NEGR1: variants seen among roughly 807,000 people sequenced by gnomAD.
NEGR1 encodes the protein IgLON family member 4.
NEGR1 carries 10 observed loss-of-function variants against 40.9 expected under a neutral mutation model. The ratio of observed to expected loss-of-function variants is 0.24; its 90% CI spans 0.15 to 0.42. The LOEUF is 0.42. Among genes scored for constraint, NEGR1 ranks in the 10% least tolerant of loss-of-function variants. The pLI, the probability that NEGR1 is intolerant of heterozygous loss-of-function variation, is 1.00. For synonymous variants in NEGR1, 185 were observed against 166.8 expected (o/e 1.11, Z -0.84); for missense variants, 352 against 438.9 (o/e 0.80, Z 1.77).
intron 3 of NEGR1, among the ~76,000 whole-genome samples, chr1:71,703,608 A>G (rs1203053289): frequency 6.6e-6 from 1 of 151,936 alleles, no homozygotes; most frequent in Non-Finnish European, 1.5e-5. Flanking sequence ...GAAAAAAATG[A>G]CACAACGTTA....
At chr1:72,178,084 A>G (rs1652240167) in intron 1 of NEGR1, among the ~76,000 whole-genome samples, 1 of 152,124 alleles carries the variant, frequency 6.6e-6, no homozygotes. Flanking sequence ...CATTTTAAAC[A>G]GTAAAACTGG....
chr1:71,626,667 C>T (rs191188217), intron 4 of NEGR1, among the ~76,000 whole-genome samples: 1,531 of 152,144 alleles, frequency 0.01, 13 homozygotes, highest in Non-Finnish European at 0.016. Context: ...TAAAGAACTT[C>T]TGCACTGCAA....
intron 4 of NEGR1, among the ~76,000 whole-genome samples, chr1:71,671,775 C>T (rs1487855320): frequency 1.3e-5 from 2 of 152,142 alleles, no homozygotes; most frequent in Non-Finnish European, 2.9e-5. Flanking sequence ...CATGGGTCCC[C>T]GTTAGTACCC....
intron 6 of NEGR1, among the ~76,000 whole-genome samples, chr1:71,546,971 C>T (rs543424691): frequency 5.5e-4 from 83 of 151,732 alleles, no homozygotes; most frequent in African/African-American, 2.0e-3. Flanking sequence ...TTAGATGGAC[C>T]ATAATGAAGT....
At chr1:71,590,959 A>C (rs561237720) in intron 6 of NEGR1, among the ~76,000 whole-genome samples, 121 of 152,272 alleles carry the variant, frequency 7.9e-4, no homozygotes, top group African/African-American at 2.7e-3. Flanking sequence ...AAAATAACTA[A>C]TCAGACATAG....
chr1:72,081,100 CAT>C, intron 1 of NEGR1, among the ~76,000 whole-genome samples: 1 of 152,216 alleles, frequency 6.6e-6, no homozygotes, highest in Non-Finnish European at 1.5e-5. Context: ...TAGTCATTTA[CAT>C]ACTTTCAGTT....
intron 6 of NEGR1, among the ~76,000 whole-genome samples, chr1:71,485,311 A>C (rs1646880920): frequency 6.6e-6 from 1 of 151,588 alleles, no homozygotes; most frequent in South Asian, 2.1e-4. Flanking sequence ...GATTTGCAAC[A>C]AAAATTGAAT....
At chr1:72,053,373 TAAC>T (rs1647079334) in intron 1 of NEGR1, among the ~76,000 whole-genome samples, 1 of 150,710 alleles carries the variant, frequency 6.6e-6, no homozygotes, top group Non-Finnish European at 1.5e-5. Flanking sequence ...TTTTTTCACC[TAAC>T]AACAAGTAAT....
intron 1 of NEGR1, among the ~76,000 whole-genome samples, chr1:71,975,859 C>T (rs140476692): frequency 4.6e-5 from 7 of 152,256 alleles, no homozygotes; most frequent in African/African-American, 1.7e-4. Context: ...TTCATTTTTA[C>T]CATATAGTCA....
At chr1:72,173,341 T>TTTTTTTTTTTTTTTTTGAGAC (rs1299542762) in intron 1 of NEGR1, among the ~76,000 whole-genome samples, 3 of 139,856 alleles carry the variant, frequency 2.1e-5, no homozygotes, top group South Asian at 2.5e-4. Flanking sequence ...TATTTTCATC[T>TTTTTTTTTTTTTTTTTGAGAC]GCTGCTTTTG....
rs926509794 is a variant in NEGR1 at position 71,878,936 on chromosome 1, C to T, written c.409+56143G>A. 3.3e-5 allele frequency among the ~76,000 whole-genome samples: 5 copies of T among 151,984 alleles called. No individual in the cohort carries two copies. In the South Asian group the frequency reaches 6.2e-4, roughly 19 times the overall value. Reference sequence around the variant, plus strand: ...GAAAGCTTAAAAATAGCAACAAGGACCAGCCTGACCAACATAGAGAAACCC... The same window carrying T: ...GAAAGCTTAAAAATAGCAACAAGGATCAGCCTGACCAACATAGAGAAACCC... On this transcript the variant is annotated intron_variant, in intron 2 of 6. Transcript: ENST00000357731.
chr1:72,270,552 G>A (rs890611774), intron 1 of NEGR1, among the ~76,000 whole-genome samples: 2 of 151,782 alleles, frequency 1.3e-5, no homozygotes, highest in Non-Finnish European at 2.9e-5. Flanking sequence ...TTTAATGCTA[G>A]TCCTCTTATC....
chr1:72,187,473 A>G (rs1453119326), intron 1 of NEGR1, among the ~76,000 whole-genome samples: 2 of 151,478 alleles, frequency 1.3e-5, no homozygotes, highest in Non-Finnish European at 3.0e-5. Flanking sequence ...AATGCTACTC[A>G]TAACAGATCA....
chr1:71,400,702 A>G lies in NEGR1; in HGVS notation c.*6744T>C. 1 of 152,096 alleles carries G rather than the reference A, an allele frequency of 6.6e-6. No individual in the cohort carries two copies. Among genetic ancestry groups the G allele is most frequent in the East Asian group, 1.9e-4 (1 of 5,180 alleles). The allele number at this position is 152,096 out of a possible 1,614,324, so 9.4% of individuals were successfully genotyped here. The stretch of plus-strand genomic sequence containing the variant: ...GTAGGCATTACATTATCAAAGCTCA[A>G]AATGTTAGCAATGAATTTAATTCAA... On this transcript the variant is annotated 3_prime_UTR_variant, in exon 7 of 7. Coordinates refer to ENST00000357731, the MANE Select transcript of NEGR1 (RefSeq NM_173808.3).
At chr1:71,749,817 C>G (rs1435928675) in intron 3 of NEGR1, among the ~76,000 whole-genome samples, 2 of 152,112 alleles carry the variant, frequency 1.3e-5, no homozygotes, top group Admixed American at 6.6e-5. Flanking sequence ...ATTTTGTTGT[C>G]AGACCACTGT....
chr1:71,815,988 T>G (rs1176552244), intron 2 of NEGR1, among the ~76,000 whole-genome samples: 1 of 152,104 alleles, frequency 6.6e-6, no homozygotes, highest in Non-Finnish European at 1.5e-5. Context: ...TTAACTTGCT[T>G]TTTACACAAA....
chr1:71,724,945 AC>A (rs1654625274), intron 3 of NEGR1, among the ~76,000 whole-genome samples: 1 of 151,900 alleles, frequency 6.6e-6, no homozygotes, highest in Non-Finnish European at 1.5e-5. Context: ...CACCTCCCTA[AC>A]CCACAGCCTA....
chr1:72,273,903 A>G (rs1427233110), intron 1 of NEGR1, among the ~76,000 whole-genome samples: 1 of 151,504 alleles, frequency 6.6e-6, no homozygotes. Context: ...TTCAAAAATT[A>G]GTAGATATTG....
intron 1 of NEGR1, among the ~76,000 whole-genome samples, chr1:72,058,826 T>C (rs1261020969): frequency 3.3e-5 from 5 of 151,604 alleles, no homozygotes; most frequent in Non-Finnish European, 5.9e-5. Flanking sequence ...AATTAAAATG[T>C]TCAAATTGTT....
Sources: gnomAD v4.1 joint callset for allele counts (sites outside exome capture counted in the v4.1 genomes callset) on GRCh38, gnomAD v4.1.1 for gene constraint, MANE v1.5 for transcripts, NCBI Gene and HGNC (gene_info 2026-07-23, HGNC 2026-07-21) for gene names.